Variants in KIF18A observed in about 807,000 individuals in gnomAD.
KIF18A encodes the protein kinesin-like protein KIF18A.
In KIF18A, 67 loss-of-function variants were observed where a neutral mutation model predicts 103.3. The observed-to-expected ratio is 0.65, with a 90% CI of 0.53 to 0.79. The LOEUF is 0.79. Among genes scored for constraint, KIF18A ranks in the 30% least tolerant of loss-of-function variants. The pLI, the probability that KIF18A is intolerant of heterozygous loss-of-function variation, is 0.00. For missense variants in KIF18A, 1,032 were observed against 1,062.5 expected, an observed-to-expected ratio of 0.97 and a Z score of 0.40; for synonymous variants, 367 against 355.5, an observed-to-expected ratio of 1.03 and a Z score of -0.36.
intron 1 of KIF18A, among the ~76,000 whole-genome samples, chr11:28,101,612 T>C (rs1177505562): frequency 6.6e-6 from 1 of 152,136 alleles, no homozygotes; most frequent in Non-Finnish European, 1.5e-5. Flanking sequence ...CATAAAGTTG[T>C]AAAGATTACA....
intron 1 of KIF18A, among the ~76,000 whole-genome samples, chr11:28,104,346 C>T (rs1851480485): frequency 6.6e-6 from 1 of 152,194 alleles, no homozygotes; most frequent in African/African-American, 2.4e-5. Context: ...ACAATGACTT[C>T]TACTGCTGTC....
At chr11:28,094,496 CA>C (rs1851343023) in intron 3 of KIF18A, 146 bp downstream of exon 3, 1 of 610,420 alleles carries the variant, frequency 1.6e-6, no homozygotes, top group Non-Finnish European at 2.6e-6. Flanking sequence ...AAAAAATTAA[CA>C]GAAAAAGATG....
intron 9 of KIF18A, among the ~76,000 whole-genome samples, chr11:28,081,147 A>G (rs1002971288): frequency 1.3e-5 from 2 of 152,206 alleles, no homozygotes; most frequent in African/African-American, 4.8e-5. Context: ...CTTCTCTAGA[A>G]CATAAAAGTC....
At chr11:28,059,417 A>G (rs1850830043) in intron 12 of KIF18A, among the ~76,000 whole-genome samples, 1 of 152,044 alleles carries the variant, frequency 6.6e-6, no homozygotes, top group South Asian at 2.1e-4. Flanking sequence ...TTTGAGGGCT[A>G]AATGAGTTAA....
intron 9 of KIF18A, among the ~76,000 whole-genome samples, chr11:28,077,519 T>C (rs951056040): frequency 6.6e-5 from 10 of 152,158 alleles, no homozygotes; most frequent in African/African-American, 2.2e-4. Flanking sequence ...TTTTTGTTTG[T>C]TGGAAAAGGA....
chr11:28,051,857 T>C (rs1850716143), intron 13 of KIF18A, among the ~76,000 whole-genome samples: 1 of 152,046 alleles, frequency 6.6e-6, no homozygotes, highest in Admixed American at 6.6e-5. Flanking sequence ...ATGTCTCCAC[T>C]TGGATGTATC....
chr11:28,021,723 G>C (rs1012068728), intron 16 of KIF18A, among the ~76,000 whole-genome samples: 5 of 151,984 alleles, frequency 3.3e-5, no homozygotes, highest in African/African-American at 1.2e-4. Flanking sequence ...ACTTCCTAAA[G>C]GGCTGATCTT....
chr11:28,063,095 A>T (rs1850876626), intron 11 of KIF18A, among the ~76,000 whole-genome samples: 1 of 152,062 alleles, frequency 6.6e-6, no homozygotes, highest in Non-Finnish European at 1.5e-5. Context: ...GAAACAAAAG[A>T]TCATATGGTT....
At chr11:28,025,851 G>A (rs1850311913) in intron 15 of KIF18A, among the ~76,000 whole-genome samples, 1 of 151,662 alleles carries the variant, frequency 6.6e-6, no homozygotes, top group Admixed American at 6.6e-5. Context: ...CCCTTATATA[G>A]GTAGAATGTT....
chr11:28,103,199 T>C (rs189746343), intron 1 of KIF18A, among the ~76,000 whole-genome samples: 64 of 152,114 alleles, frequency 4.2e-4, no homozygotes, highest in African/African-American at 1.5e-3. Context: ...GCATTCCAAA[T>C]TTGAAAATCT....
At chr11:28,023,937 A>C in intron 15 of KIF18A, 87 bp from the exon 16 acceptor site, 1 of 568,388 alleles carries the variant, frequency 1.8e-6, no homozygotes, top group South Asian at 3.2e-5. Context: ...CAATGATTAA[A>C]GAAATAAAAC....
chr11:28,088,600 C>T lies in KIF18A; in HGVS notation c.821G>A (p.Arg274Gln), dbSNP rs757193383. The T allele has an allele frequency of 3.8e-5, 61 of 1,613,836 alleles. No homozygotes were observed. Among genetic ancestry groups the T allele is most frequent in the Admixed American group, 8.3e-5 (5 of 59,990 alleles). Reference sequence around the variant, plus strand: ...ATTAATATTTGTGCCTTCTACAAATCGGGTCCCCTTAGCACCGGAAGTACT... The same window carrying T: ...ATTAATATTTGTGCCTTCTACAAATTGGGTCCCCTTAGCACCGGAAGTACT... ...RASTSGAKGT[R>Q]FVEGTNINRS... Residue 274 changes from arginine (R) to glutamine (Q), a missense_variant, in exon 6 of 17, where the codon CGA (arginine) becomes CAA (glutamine). Coordinates refer to ENST00000263181, the MANE Select transcript of KIF18A (RefSeq NM_031217.4).
intron 2 of KIF18A, among the ~76,000 whole-genome samples, chr11:28,096,285 C>T (rs950949120): frequency 6.6e-6 from 1 of 151,116 alleles, no homozygotes; most frequent in Non-Finnish European, 1.5e-5. Context: ...CTTCTCATAT[C>T]ATTATTGGTT....
chr11:28,044,343 A>T (rs974516829), intron 13 of KIF18A, among the ~76,000 whole-genome samples: 2 of 152,102 alleles, frequency 1.3e-5, no homozygotes, highest in African/African-American at 2.4e-5. Context: ...TAAATGAAAC[A>T]TAAAAATAAA....
At chr11:28,074,648 G>A (rs1355626227) in intron 10 of KIF18A, among the ~76,000 whole-genome samples, 3 of 151,980 alleles carry the variant, frequency 2.0e-5, no homozygotes, top group African/African-American at 4.8e-5. Flanking sequence ...CCATTTCATA[G>A]GCTAACAAAA....
intron 15 of KIF18A, among the ~76,000 whole-genome samples, chr11:28,034,919 T>C (rs901581326): frequency 2.0e-5 from 3 of 151,634 alleles, no homozygotes; most frequent in African/African-American, 7.3e-5. Flanking sequence ...CTGTTCTTGA[T>C]AGGTAGCTTG....
intron 1 of KIF18A, among the ~76,000 whole-genome samples, chr11:28,101,756 T>C (rs1196117623): frequency 6.6e-6 from 1 of 152,132 alleles, no homozygotes; most frequent in African/African-American, 2.4e-5. Flanking sequence ...CAAGTGCCAT[T>C]ATAGGGAAAA....
At position 28,090,673 on chromosome 11, in the gene KIF18A, T is replaced by A; in HGVS notation, c.643A>T (p.Thr215Ser). 4.3e-6 allele frequency: 7 copies of A among 1,611,730 alleles called. No homozygotes were observed. Among genetic ancestry groups the A allele is most frequent in the Non-Finnish European group, 5.9e-6 (7 of 1,178,424 alleles). Residue 215 changes from threonine (T) to serine (S), a missense_variant, in exon 5 of 17, where the codon ACA (threonine) becomes TCA (serine). By Grantham distance (58) the Thr-to-Ser change is moderately conservative (BLOSUM62 1). Transcript: ENST00000263181. ...GCATTCATATCAGTGGGATGTTGTG[T>A]CCTGTTTTTGTTTCCATTATCCAAT... ...HLLDNGNKNR[T>S]QHPTDMNATS... is the part of the protein sequence containing the mutation.
At chr11:28,021,398 T>C (rs748243914) in intron 16 of KIF18A, 116 bp from the exon 17 acceptor site, 111 of 844,288 alleles carry the variant, frequency 1.3e-4, no homozygotes, top group Middle Eastern at 4.1e-4. Flanking sequence ...TTGAAATTCA[T>C]AGTTGTTAGT....
Sources: gnomAD v4.1 joint callset for allele counts (sites outside exome capture counted in the v4.1 genomes callset) on GRCh38, gnomAD v4.1.1 for gene constraint, MANE v1.5 for transcripts, NCBI Gene and HGNC (gene_info 2026-07-23, HGNC 2026-07-21) for gene names.